Variants in GRK6 observed in about 807,000 individuals in gnomAD.
GRK6 encodes G protein-coupled receptor kinase 6.
In GRK6, 37 loss-of-function variants were observed where a neutral mutation model predicts 80.8. The observed-to-expected ratio is 0.46, with a 90% CI of 0.35 to 0.60. GRK6 has a LOEUF of 0.60. Among genes scored for constraint, GRK6 ranks in the 20% least tolerant of loss-of-function variants. GRK6 has a pLI of 0.00. For synonymous variants in GRK6, 295 were observed against 320.9 expected (o/e 0.92, Z 0.86); for missense variants, 560 against 784.6 (o/e 0.71, Z 3.42).
chr5:177,434,869 G>A (rs1441517688), intron 9 of GRK6, 33 bp from the exon 10 acceptor site: 2 of 1,612,172 alleles, frequency 1.2e-6, no homozygotes. Flanking sequence ...GGCAAACTGA[G>A]CAGCATCTGA....
rs1442689207 is a variant in GRK6, at chr5:177,428,244, C to T, written c.52+1347C>T. Among the ~76,000 whole-genome samples, 1 of 152,240 alleles carries T rather than the reference C, an allele frequency of 6.6e-6. No homozygotes were observed. The highest frequency in any genetic ancestry group is 2.4e-5 in the African/African-American group (1 of 41,474). ...AGGGGTGGGGAGGGCCGAAACAGGC[C>T]TTCTTCCCTAGGGCTGTAGCCAGTT... is the stretch of plus-strand genomic sequence containing the variant. On this transcript the variant is annotated intron_variant, in intron 1 of 15. Coordinates refer to ENST00000355472, the MANE Select transcript of GRK6 (RefSeq NM_001004106.3). The surrounding 1 kb of genome is among the most constrained non-coding windows in gnomAD (Gnocchi z 4.1).
chr5:177,433,115 G>A (rs761673758), intron 5 of GRK6, 32 bp from the exon 6 acceptor site: 5 of 1,583,138 alleles, frequency 3.2e-6, no homozygotes, highest in Non-Finnish European at 4.3e-6. Context: ...TCAGGGGCTG[G>A]CGGGTGAGCT....
At chr5:177,434,127 A>AG in intron 9 of GRK6, 23 bp downstream of exon 9, 1 of 1,525,752 alleles carries the variant, frequency 6.6e-7, no homozygotes, top group East Asian at 2.3e-5. Flanking sequence ...CGGCCACCCC[A>AG]GGGGCTTAGT....
intron 13 of GRK6, among the ~76,000 whole-genome samples, chr5:177,440,395 C>T (rs529711817): frequency 4.6e-5 from 7 of 152,356 alleles, no homozygotes; most frequent in African/African-American, 1.2e-4. Flanking sequence ...CTGTACTCCC[C>T]GCCCCAACTG....
At chr5:177,436,600 C>T in intron 13 of GRK6, 70 bp downstream of exon 13, 1 of 1,397,784 alleles carries the variant, frequency 7.2e-7, no homozygotes, top group African/African-American at 1.4e-5. Flanking sequence ...CTTGTAGTAT[C>T]AGCCAGGATG....
chr5:177,432,689 C>G lies in GRK6; in HGVS notation c.340-17C>G. 3 of 1,565,744 alleles carry G rather than the reference C, an allele frequency of 1.9e-6. No individual in the cohort carries two copies. The highest frequency in any genetic ancestry group is 1.7e-6 in the Non-Finnish European group (2 of 1,147,486). On this transcript the variant is annotated splice_polypyrimidine_tract_variant and intron_variant, in intron 4 of 15. Transcript: ENST00000355472. ...CAAGGGAGCCCCTGCACTGACCTGTCTGGGGCTTGTTCCCAGGGTCCTGAC... is the reference window on the plus strand; with the variant it reads ...CAAGGGAGCCCCTGCACTGACCTGTGTGGGGCTTGTTCCCAGGGTCCTGAC...
chr5:177,436,066 C>T lies in GRK6; in HGVS notation c.1058-7C>T, dbSNP rs775847320. The T allele has an allele frequency of 7.4e-6, 12 of 1,610,904 alleles. No homozygotes were observed. Among genetic ancestry groups the T allele is most frequent in the South Asian group, 2.2e-5 (2 of 91,036 alleles). On this transcript the variant is annotated splice_region_variant and splice_polypyrimidine_tract_variant and intron_variant, in intron 11 of 15. Coordinates refer to ENST00000355472, the MANE Select transcript of GRK6 (RefSeq NM_001004106.3). Reference sequence around the variant, plus strand: ...GCCCAGCCCTAACTCCCATGCCGCCCGCCCAGCTCCGGAGGTGGTGAAGAA... The same window carrying T: ...GCCCAGCCCTAACTCCCATGCCGCCTGCCCAGCTCCGGAGGTGGTGAAGAA...
intron 13 of GRK6, among the ~76,000 whole-genome samples, chr5:177,438,166 G>A (rs562659783): frequency 7.9e-5 from 12 of 152,188 alleles, no homozygotes; most frequent in South Asian, 4.1e-4. Flanking sequence ...TTGGGAGTTC[G>A]AAGACCAGCC....
chr5:177,431,189 G>A (rs967635421), intron 2 of GRK6, among the ~76,000 whole-genome samples: 2 of 152,236 alleles, frequency 1.3e-5, no homozygotes, highest in African/African-American at 4.8e-5. Flanking sequence ...TGAAGCGGGT[G>A]TCGGGAATAG....
intron 1 of GRK6, 73 bp downstream of exon 1, chr5:177,426,970 C>A: frequency 1.9e-6 from 2 of 1,054,280 alleles, no homozygotes; most frequent in South Asian, 2.8e-5. Flanking sequence ...CTCCGCAGGG[C>A]TACCCAGCCG....
chr5:177,436,424 G>A lies in GRK6; in HGVS notation c.1298G>A (p.Gly433Glu). The part of the protein sequence containing the change: ...LLCKDPAERL[G>E]CRGGSAREVK... ...TGCAAGGACCCTGCCGAACGCCTGGGGTGTCGTGGGGGCAGTGCCCGCGAG... is the reference window on the plus strand; with the variant it reads ...TGCAAGGACCCTGCCGAACGCCTGGAGTGTCGTGGGGGCAGTGCCCGCGAG... Residue 433 changes from glycine to glutamate, a missense_variant, in exon 13 of 16, where the codon GGG becomes GAG. Gly to Glu is a moderately conservative substitution (Grantham distance 98). Coordinates refer to ENST00000355472, the MANE Select transcript of GRK6 (RefSeq NM_001004106.3). 2 of 1,613,374 alleles carry A rather than the reference G, an allele frequency of 1.2e-6. No homozygotes were observed. Among genetic ancestry groups the A allele is most frequent in the Non-Finnish European group, 1.7e-6 (2 of 1,179,876 alleles).
chr5:177,434,313 C>G (rs1203671520), intron 9 of GRK6, among the ~76,000 whole-genome samples: 1 of 152,180 alleles, frequency 6.6e-6, no homozygotes, highest in African/African-American at 2.4e-5. Flanking sequence ...ACGGGGTATC[C>G]TGACTTTGTC....
Position 177,428,196 on chromosome 5 carries a change from C to G in GRK6, c.52+1299C>G, listed in dbSNP as rs565363426. ...GGCATCTGCCGATTCTGTTCTGCCT[C>G]GTCATCCAACCAGCCAGGGAGGAGG... On this transcript the variant is annotated intron_variant, in intron 1 of 15. Coordinates refer to ENST00000355472, the MANE Select transcript of GRK6 (RefSeq NM_001004106.3). The surrounding 1 kb of genome is among the most constrained non-coding windows in gnomAD (Gnocchi z 4.1). 3.9e-5 allele frequency among the ~76,000 whole-genome samples: 6 copies of G among 152,248 alleles called. No individual in the cohort carries two copies. The highest frequency in any genetic ancestry group is 1.3e-4 in the Admixed American group (2 of 15,290).
Position 177,428,774 on chromosome 5 carries a change from G to A in GRK6, c.52+1877G>A, listed in dbSNP as rs1323289429. Among the ~76,000 whole-genome samples the A allele has an allele frequency of 1.3e-5, 2 of 152,064 alleles. No individual in the cohort carries two copies. The highest frequency in any genetic ancestry group is 2.9e-5 in the Non-Finnish European group (2 of 68,000). On this transcript the variant is annotated intron_variant, in intron 1 of 15. Coordinates refer to ENST00000355472, the MANE Select transcript of GRK6 (RefSeq NM_001004106.3). The surrounding 1 kb of genome is among the most constrained non-coding windows in gnomAD (Gnocchi z 4.1). ...TCTCAACTTCAGTACCCCTTTTTGTGGAACGGTTGGGGGTGGGACATAAAG... is the reference window on the plus strand; with the variant it reads ...TCTCAACTTCAGTACCCCTTTTTGTAGAACGGTTGGGGGTGGGACATAAAG...
Position 177,434,121 on chromosome 5 carries a change from C to T in GRK6, c.929+17C>T. On this transcript the variant is annotated intron_variant, in intron 9 of 15. Coordinates refer to ENST00000355472, the MANE Select transcript of GRK6 (RefSeq NM_001004106.3). ...CGTGTACAGGTGGGGAGGGCTCGGC[C>T]ACCCCAGGGGCTTAGTCCTTCCCTG... 1 of 1,538,652 alleles carries T rather than the reference C, an allele frequency of 6.5e-7. No individual in the cohort carries two copies. The highest frequency in any genetic ancestry group is 8.7e-7 in the Non-Finnish European group (1 of 1,143,814).
In GRK6 at chr5:177,433,138, C is replaced by T. The variant is rs1415296003; in HGVS notation, c.441-9C>T. On this transcript the variant is annotated splice_polypyrimidine_tract_variant and intron_variant, in intron 5 of 15. Coordinates refer to ENST00000355472, the MANE Select transcript of GRK6 (RefSeq NM_001004106.3). Reference sequence around the variant, plus strand: ...TGGCGGGTGAGCTGGGCCTGCCTTTCCTCAACAGGCTGACCCACGAGTACC... The same window carrying T: ...TGGCGGGTGAGCTGGGCCTGCCTTTTCTCAACAGGCTGACCCACGAGTACC... The T allele has an allele frequency of 1.2e-6, 2 of 1,612,060 alleles. No individual in the cohort carries two copies. Among genetic ancestry groups the T allele is most frequent in the East Asian group, 2.2e-5 (1 of 44,880 alleles).
chr5:177,435,467 T>C (rs370201344), intron 11 of GRK6, among the ~76,000 whole-genome samples: 2 of 152,326 alleles, frequency 1.3e-5, no homozygotes, highest in East Asian at 3.9e-4. Flanking sequence ...GGGGCCAACA[T>C]GAGGCCCCAC....
At chr5:177,434,142 C>T (rs371921057) in intron 9 of GRK6, 38 bp downstream of exon 9, 1 of 1,495,042 alleles carries the variant, frequency 6.7e-7, no homozygotes, top group Admixed American at 2.2e-5. Context: ...CTTAGTCCTT[C>T]CCTGCCAGCG....
chr5:177,437,371 C>A (rs1330539837), intron 13 of GRK6, among the ~76,000 whole-genome samples: 1 of 152,192 alleles, frequency 6.6e-6, no homozygotes, highest in Admixed American at 6.5e-5. Context: ...ATACACCCAC[C>A]CGAACCTGCA....
Sources: allele counts gnomAD v4.1 joint callset (sites outside exome capture counted in the v4.1 genomes callset), GRCh38; gene constraint gnomAD v4.1.1; non-coding constraint Gnocchi (gnomAD v3.1); transcripts MANE v1.5; gene names NCBI Gene and HGNC (gene_info 2026-07-23, HGNC 2026-07-21).